The following GXYLT2 variants were observed in gnomAD, a reference collection of about 807,000 sequenced individuals.
GXYLT2 encodes the protein glucoside xylosyltransferase 2, also known as glycosyltransferase 8 domain containing 4.
Under a neutral mutation model 45.8 loss-of-function variants are expected in GXYLT2, and 53 were observed. That is an observed-to-expected ratio of 1.16 (90% confidence interval 0.93 to 1.46). GXYLT2 has a LOEUF of 1.46. GXYLT2 is among the 40% of genes most tolerant of loss of function. GXYLT2 has a pLI of 0.00. For synonymous variants in GXYLT2, 219 were observed against 214.2 expected (o/e 1.02, Z -0.19); for missense variants, 551 against 544.4 (o/e 1.01, Z -0.12).
chr3:72,904,323 C>G (rs1381490093), intron 1 of GXYLT2, among the ~76,000 whole-genome samples: 4 of 152,236 alleles, frequency 2.6e-5, no homozygotes, highest in Non-Finnish European at 1.5e-5. Context: ...GAAAGGCACA[C>G]CGTGCCAGTG....
At chr3:72,970,025 C>T (rs924294748) in intron 6 of GXYLT2, among the ~76,000 whole-genome samples, 1 of 150,910 alleles carries the variant, frequency 6.6e-6, no homozygotes, top group African/African-American at 2.4e-5. Flanking sequence ...TTGAGGTCAG[C>T]GCAGCCAACA....
chr3:72,961,294 T>A (rs758424611), intron 5 of GXYLT2, among the ~76,000 whole-genome samples: 1 of 152,108 alleles, frequency 6.6e-6, no homozygotes, highest in Non-Finnish European at 1.5e-5. Context: ...TATAGGAAGA[T>A]GTGTTTAGAT....
intron 5 of GXYLT2, among the ~76,000 whole-genome samples, chr3:72,958,942 C>CTTT (rs58201266): frequency 7.2e-6 from 1 of 138,058 alleles, no homozygotes; most frequent in Middle Eastern, 3.5e-3. Flanking sequence ...ATTTTTTTTT[C>CTTT]TTTTTTTTTT....
intron 1 of GXYLT2, among the ~76,000 whole-genome samples, chr3:72,894,160 CTGTT>C (rs1709236677): frequency 6.6e-6 from 1 of 152,222 alleles, no homozygotes; most frequent in African/African-American, 2.4e-5. Context: ...ATGAAGCCAT[CTGTT>C]TGGGCAGTAG....
intron 3 of GXYLT2, among the ~76,000 whole-genome samples, chr3:72,945,813 A>G (rs1192810897): frequency 2.0e-5 from 3 of 152,206 alleles, no homozygotes; most frequent in Non-Finnish European, 2.9e-5. Context: ...TAATTCACCT[A>G]CATCAGCAGA....
rs115276583 is a variant in GXYLT2 at position 72,889,407 on chromosome 3, A to C, written c.275+899A>C. Among the ~76,000 whole-genome samples, 813 of 152,256 alleles carry C rather than the reference A, an allele frequency of 5.3e-3. 9 individuals carry two copies. The highest frequency in any genetic ancestry group is 0.019 in the African/African-American group (773 of 41,528). On this transcript the variant is annotated intron_variant, in intron 1 of 6. Transcript: ENST00000389617. Reference sequence around the variant, plus strand: ...AATTTCAACCTGAAAGGAGTTGAAAAATTATTTTTGACCATAATGACTAAA... The same window carrying C: ...AATTTCAACCTGAAAGGAGTTGAAACATTATTTTTGACCATAATGACTAAA...
chr3:72,934,661 T>C (rs1163166403), intron 3 of GXYLT2, among the ~76,000 whole-genome samples: 1 of 152,194 alleles, frequency 6.6e-6, no homozygotes. Flanking sequence ...ACTGTTTAAC[T>C]TGGAATTTGA....
chr3:72,920,630 T>C (rs1047261927), intron 2 of GXYLT2, among the ~76,000 whole-genome samples: 2 of 151,986 alleles, frequency 1.3e-5, no homozygotes, highest in Non-Finnish European at 2.9e-5. Context: ...AATTTTGTTA[T>C]AAAATTAATA....
chr3:72,908,597 T>C (rs775615870), intron 2 of GXYLT2, 38 bp downstream of exon 2: 31 of 1,492,466 alleles, frequency 2.1e-5, no homozygotes, highest in Non-Finnish European at 2.7e-5. Flanking sequence ...GTTTACTAAG[T>C]ACAAACAGAC....
intron 6 of GXYLT2, among the ~76,000 whole-genome samples, chr3:72,972,335 G>A (rs1711000387): frequency 6.6e-6 from 1 of 151,770 alleles, no homozygotes; most frequent in African/African-American, 2.4e-5. Context: ...GATGAACAAA[G>A]CCCTAGTCTT....
intron 1 of GXYLT2, among the ~76,000 whole-genome samples, chr3:72,897,656 A>G (rs1294043476): frequency 1.3e-5 from 2 of 152,210 alleles, no homozygotes; most frequent in Non-Finnish European, 2.9e-5. Flanking sequence ...AGAAACCCCA[A>G]AACCCAAAGC....
intron 6 of GXYLT2, among the ~76,000 whole-genome samples, chr3:72,974,273 AGTG>A (rs530791677): frequency 6.6e-4 from 100 of 152,334 alleles, no homozygotes; most frequent in South Asian, 2.3e-3. Context: ...AAAAAATGGC[AGTG>A]ATGATCTCAA....
intron 3 of GXYLT2, among the ~76,000 whole-genome samples, chr3:72,942,713 T>C (rs1185752626): frequency 1.3e-5 from 2 of 149,758 alleles, no homozygotes; most frequent in East Asian, 2.0e-4. Context: ...GACTTTGTTC[T>C]AAATAACCGG....
chr3:72,908,906 T>C (rs1476764948), intron 2 of GXYLT2, among the ~76,000 whole-genome samples: 1 of 151,984 alleles, frequency 6.6e-6, no homozygotes, highest in Non-Finnish European at 1.5e-5. Flanking sequence ...TCTGGCTAAT[T>C]TTTGTGTATT....
chr3:72,973,923 C>T (rs1244124165), intron 6 of GXYLT2, among the ~76,000 whole-genome samples: 1 of 152,144 alleles, frequency 6.6e-6, no homozygotes, highest in Admixed American at 6.5e-5. Context: ...TGCATAATCT[C>T]CTTCCGAGAA....
intron 1 of GXYLT2, among the ~76,000 whole-genome samples, chr3:72,893,242 C>T (rs779173801): frequency 2.0e-5 from 3 of 152,282 alleles, no homozygotes; most frequent in African/African-American, 2.4e-5. Context: ...TTCTGGCCTC[C>T]TCTCCTACCA....
intron 5 of GXYLT2, among the ~76,000 whole-genome samples, chr3:72,961,674 A>AAAAGAAG (rs1278781750): frequency 1.7e-5 from 2 of 118,978 alleles, no homozygotes; most frequent in East Asian, 2.4e-4. Flanking sequence ...AAAAAAAAAA[A>AAAAGAAG]AGAGAGAGAG....
At chr3:72,957,690 AC>A (rs1710676208) in intron 5 of GXYLT2, among the ~76,000 whole-genome samples, 1 of 152,022 alleles carries the variant, frequency 6.6e-6, no homozygotes, top group Non-Finnish European at 1.5e-5. Context: ...TAGGCGGGAG[AC>A]CCTGTAGCCT....
At chr3:72,909,566 C>T (rs1709579606) in intron 2 of GXYLT2, among the ~76,000 whole-genome samples, 1 of 152,108 alleles carries the variant, frequency 6.6e-6, no homozygotes, top group Non-Finnish European at 1.5e-5. Context: ...CCAGTCAGTA[C>T]TCCTACATTC....
Sources: allele counts gnomAD v4.1 joint callset (sites outside exome capture counted in the v4.1 genomes callset), GRCh38; gene constraint gnomAD v4.1.1; transcripts MANE v1.5; gene names NCBI Gene and HGNC (gene_info 2026-07-23, HGNC 2026-07-21).